Variants in LACTB2 observed in about 807,000 individuals in gnomAD.
The protein encoded by LACTB2 is lactamase beta 2, also known as endoribonuclease LACTB2.
LACTB2 carries 32 observed loss-of-function variants against 34.8 expected under a neutral mutation model. The observed-to-expected ratio is 0.92, with a 90% CI of 0.69 to 1.24. The LOEUF is 1.24. Among genes scored for constraint, LACTB2 ranks in the 50% most tolerant of loss-of-function variants. The pLI is 0.00. For synonymous variants in LACTB2, 120 were observed against 117.5 expected (o/e 1.02, Z -0.14); for missense variants, 320 against 345.0 (o/e 0.93, Z 0.57).
At chr8:70,660,390 A>G (rs1818466838) in intron 2 of LACTB2, 4 of 357,466 alleles carry the variant, frequency 1.1e-5, no homozygotes, top group African/African-American at 2.1e-5. Context: ...GTCCCCTTAG[A>G]TTGGAAGAAA....
At chr8:70,657,958 C>T (rs1818433638) in intron 2 of LACTB2, 76 bp from the exon 3 acceptor site, 1 of 935,568 alleles carries the variant, frequency 1.1e-6, no homozygotes, top group Non-Finnish European at 1.5e-6. Context: ...TTTCATAGAG[C>T]TAACACTTGT....
Position 70,657,792 on chromosome 8 carries a change from T to C in LACTB2, c.377A>G (p.Asp126Gly). ...TCCCTCAGTCTTAATCACATCTCCA[T>C]CTTTCAGATAAACATATTGTTGCTC... ...NGEQQYVYLK[D>G]GDVIKTEGAT... The change falls in exon 3 of 7, where the codon GAT becomes GGT. Residue 126 changes from aspartate to glycine, a missense_variant. Physicochemically the swap from Asp to Gly is moderately conservative, Grantham distance 94. Transcript: ENST00000276590. 1 of 1,613,202 alleles carries C rather than the reference T, an allele frequency of 6.2e-7. No individual in the cohort carries two copies. The highest frequency in any genetic ancestry group is 1.1e-5 in the South Asian group (1 of 91,034).
At chr8:70,664,961 G>A (rs1563409224) in intron 1 of LACTB2, among the ~76,000 whole-genome samples, 1 of 152,204 alleles carries the variant, frequency 6.6e-6, no homozygotes, top group Non-Finnish European at 1.5e-5. Flanking sequence ...CTCTCTAGCA[G>A]AAGGGGATTG....
chr8:70,646,108 G>C (rs367721654), intron 3 of LACTB2: 24 of 152,104 alleles, frequency 1.6e-4, no homozygotes, highest in Admixed American at 4.6e-4. Flanking sequence ...TACAGTCCCA[G>C]CAACAGTGTA....
intron 4 of LACTB2, among the ~76,000 whole-genome samples, chr8:70,643,209 T>C (rs111329004): frequency 1.5e-3 from 4 of 2,738 alleles, no homozygotes; most frequent in African/African-American, 4.9e-3. Context: ...TGTATTTTCC[T>C]TTTTTTTTTT....
chr8:70,639,761 G>A (rs974393438), intron 5 of LACTB2, among the ~76,000 whole-genome samples: 2 of 151,714 alleles, frequency 1.3e-5, no homozygotes, highest in Non-Finnish European at 2.9e-5. Flanking sequence ...TCGGGAGTTC[G>A]AGACCAGTCT....
In LACTB2 at chr8:70,668,841, G is replaced by C. The variant is rs547804893; in HGVS notation, c.122+158C>G. Among the ~76,000 whole-genome samples the C allele has an allele frequency of 2.4e-4, 36 of 149,036 alleles. 1 individual carries two copies. Among genetic ancestry groups the C allele is most frequent in the African/African-American group, 8.8e-4 (35 of 39,902 alleles). On this transcript the variant is annotated intron_variant, in intron 1 of 6. Transcript: ENST00000276590. ...CGTATTTTAGCTAGCTTCGAGATCC[G>C]AGTGTCTGCGTGCAGTCCCGACGGG...
chr8:70,640,835 A>G (rs1341802588), intron 5 of LACTB2, 67 bp downstream of exon 5: 11 of 1,396,906 alleles, frequency 7.9e-6, no homozygotes, highest in Admixed American at 3.0e-5. Flanking sequence ...TATCATTTCT[A>G]TAGTCTACTA....
rs542203836 is a variant in LACTB2, at chr8:70,637,888, G to A, written c.839C>T (p.Pro280Leu). ...AAGATGAGCTTTCCATTTCTTGTCA[G>A]GATCTGTGTTGCTAACTGTAAAAAG... is the stretch of plus-strand genomic sequence containing the variant. ...KEGKIFSNTD[P>L]DKKWKAHL The change falls in exon 7 of 7, where the codon CCT becomes CTT. Residue 280 changes from proline to leucine, a missense_variant. Pro to Leu is a moderately conservative substitution (Grantham distance 98, BLOSUM62 -3). Coordinates refer to ENST00000276590, the MANE Select transcript of LACTB2 (RefSeq NM_016027.3). 3.2e-6 allele frequency: 5 copies of A among 1,551,456 alleles called. No homozygotes were observed. Among genetic ancestry groups the A allele is most frequent in the Non-Finnish European group, 4.4e-6 (5 of 1,147,740 alleles).
chr8:70,669,122 C>A lies in LACTB2; in HGVS notation c.-2G>T. ...GACGCGCTGCAGTACAGCAGCCATTCCCGCCTCAGCCGCCCGCCGGCGTGT... is the reference window on the plus strand; with the variant it reads ...GACGCGCTGCAGTACAGCAGCCATTACCGCCTCAGCCGCCCGCCGGCGTGT... On this transcript the variant is annotated 5_prime_UTR_variant, in exon 1 of 7. Transcript: ENST00000276590. The A allele has an allele frequency of 6.2e-7, 1 of 1,608,820 alleles. No individual in the cohort carries two copies. The highest frequency in any genetic ancestry group is 8.5e-7 in the Non-Finnish European group (1 of 1,178,004).
chr8:70,651,499 T>C (rs1480124150), intron 3 of LACTB2, among the ~76,000 whole-genome samples: 2 of 152,140 alleles, frequency 1.3e-5, no homozygotes, highest in Non-Finnish European at 2.9e-5. Flanking sequence ...ATACATAGAA[T>C]GCATTAACAA....
intron 1 of LACTB2, among the ~76,000 whole-genome samples, chr8:70,663,563 T>A (rs971865749): frequency 9.2e-5 from 14 of 152,072 alleles, no homozygotes; most frequent in South Asian, 2.1e-4. Context: ...AAGGAAGAGA[T>A]GGCTTTAAGA....
At chr8:70,638,676 AAG>A (rs1219950962) in intron 5 of LACTB2, 47 bp from the exon 6 acceptor site, 9 of 1,329,066 alleles carry the variant, frequency 6.8e-6, no homozygotes, top group Admixed American at 6.0e-5. Context: ...TTTTAAAAAA[AAG>A]AACACAGTTA....
At chr8:70,639,358 C>T (rs113321444) in intron 5 of LACTB2, among the ~76,000 whole-genome samples, 10,472 of 151,466 alleles carry the variant, frequency 0.069, 409 homozygotes, top group Non-Finnish European at 0.078. Flanking sequence ...TGGGGTTTCA[C>T]CATGTTGGCC....
chr8:70,639,250 C>T (rs1380862472), intron 5 of LACTB2, among the ~76,000 whole-genome samples: 1 of 151,978 alleles, frequency 6.6e-6, no homozygotes, highest in African/African-American at 2.4e-5. Flanking sequence ...ACCTCCACCT[C>T]CCAGGTTCAA....
intron 4 of LACTB2, 88 bp downstream of exon 4, chr8:70,643,977 A>C: frequency 3.9e-6 from 5 of 1,296,712 alleles, no homozygotes; most frequent in Non-Finnish European, 5.0e-6. Context: ...GCTTGAGGTC[A>C]GGAGTTTGAG....
chr8:70,656,803 CA>C lies in LACTB2; in HGVS notation c.413+952del, dbSNP rs1262870184. 1.3e-4 allele frequency among the ~76,000 whole-genome samples: 20 copies of C among 152,202 alleles called. No homozygotes were observed. In the East Asian group the frequency reaches 3.7e-3, roughly 28 times the overall value. On this transcript the variant is annotated intron_variant, in intron 3 of 6. Coordinates refer to ENST00000276590, the MANE Select transcript of LACTB2 (RefSeq NM_016027.3). ...TCATTTTCACAATACTGATCCTACC[CA>C]GAGATGAACTTGGGATGTGTTTCCA...
chr8:70,652,406 A>C (rs1818354470), intron 3 of LACTB2: 3 of 152,202 alleles, frequency 2.0e-5, no homozygotes. Context: ...CAGGAAATTA[A>C]ATGTTTTATC....
intron 5 of LACTB2, among the ~76,000 whole-genome samples, chr8:70,639,811 A>G (rs907710483): frequency 5.3e-5 from 8 of 151,808 alleles, no homozygotes; most frequent in African/African-American, 1.9e-4. Flanking sequence ...AAAAATACAA[A>G]ATTAGCTGGG....
Sources: gnomAD v4.1 joint callset for allele counts (sites outside exome capture counted in the v4.1 genomes callset) on GRCh38, gnomAD v4.1.1 for gene constraint, MANE v1.5 for transcripts, NCBI Gene and HGNC (gene_info 2026-07-23, HGNC 2026-07-21) for gene names.